Variants in ADCY8 observed in about 807,000 individuals in gnomAD.
The protein encoded by ADCY8 is adenylate cyclase 8.
ADCY8 carries 51 observed loss-of-function variants against 119.7 expected under a neutral mutation model. That is an observed-to-expected ratio of 0.43 (90% confidence interval 0.34 to 0.54). The LOEUF (loss-of-function observed/expected upper bound fraction) is 0.54. ADCY8 is among the 20% of genes least tolerant of loss of function. The probability of loss-of-function intolerance (pLI) is 0.03; values close to 1 mark genes in which losing one functional copy is unlikely to be tolerated. For missense variants in ADCY8, 1,383 were observed against 1,598.8 expected, an observed-to-expected ratio of 0.87 and a Z score of 2.30; for synonymous variants, 665 against 651.0, an observed-to-expected ratio of 1.02 and a Z score of -0.33.
intron 7 of ADCY8, among the ~76,000 whole-genome samples, chr8:130,900,477 C>T (rs905431538): frequency 1.3e-5 from 2 of 152,182 alleles, no homozygotes; most frequent in African/African-American, 4.8e-5. Flanking sequence ...TACCATCTCA[C>T]CAGATCTGCC....
chr8:130,820,748 T>A (rs1228924923), intron 13 of ADCY8, among the ~76,000 whole-genome samples: 1 of 152,150 alleles, frequency 6.6e-6, no homozygotes, highest in African/African-American at 2.4e-5. Flanking sequence ...GAAAGCATAA[T>A]CCATATGGCA....
intron 16 of ADCY8, among the ~76,000 whole-genome samples, chr8:130,784,238 G>A (rs149289021): frequency 1.2e-5 from 1 of 81,550 alleles, no homozygotes. Flanking sequence ...GTGTGTATAT[G>A]TGCTCTTATG....
chr8:130,909,885 G>A lies in ADCY8; in HGVS notation c.1482-19C>T. The A allele has an allele frequency of 1.9e-6, 3 of 1,613,376 alleles. No homozygotes were observed. The highest frequency in any genetic ancestry group is 2.5e-6 in the Non-Finnish European group (3 of 1,179,576). On this transcript the variant is annotated intron_variant, in intron 5 of 17. Coordinates refer to ENST00000286355, the MANE Select transcript of ADCY8 (RefSeq NM_001115.3). ...CACATACCTGTTGACATAGGTAAATGGAGAGACACATGTATAAGACCAGAG... is the reference window on the plus strand; with the variant it reads ...CACATACCTGTTGACATAGGTAAATAGAGAGACACATGTATAAGACCAGAG...
intron 3 of ADCY8, among the ~76,000 whole-genome samples, chr8:130,948,098 A>T (rs972606227): frequency 2.6e-5 from 4 of 152,180 alleles, no homozygotes; most frequent in African/African-American, 2.4e-5. Context: ...GGCCCAAGGG[A>T]TGGTAGTTAC....
rs150154731 is a variant in ADCY8 at position 130,784,153 on chromosome 8, C to T, written c.3154-348G>A. ...TGTGTGTGTGTTGGGGGTGTGTGGG[C>T]GTGTGGGTGGCCGTGAGTGTATGTG... On this transcript the variant is annotated intron_variant, in intron 16 of 17. Coordinates refer to ENST00000286355, the MANE Select transcript of ADCY8 (RefSeq NM_001115.3). 7.4e-3 allele frequency among the ~76,000 whole-genome samples: 1,121 copies of T among 151,308 alleles called. 11 individuals are homozygous for T. Among genetic ancestry groups the T allele is most frequent in the African/African-American group, 0.025 (1,024 of 41,156 alleles).
intron 1 of ADCY8, among the ~76,000 whole-genome samples, chr8:130,991,380 GA>G (rs1822573584): frequency 6.6e-6 from 1 of 152,212 alleles, no homozygotes; most frequent in Admixed American, 6.5e-5. Flanking sequence ...GTAGCTTCCA[GA>G]AGGTGGGAGG....
intron 14 of ADCY8, among the ~76,000 whole-genome samples, chr8:130,812,783 CACAT>C (rs1563674943): frequency 6.6e-6 from 1 of 152,078 alleles, no homozygotes; most frequent in Non-Finnish European, 1.5e-5. Flanking sequence ...GATATATACA[CACAT>C]ATGTATGTAT....
intron 14 of ADCY8, among the ~76,000 whole-genome samples, chr8:130,810,456 G>T (rs1419636460): frequency 6.6e-6 from 1 of 151,838 alleles, no homozygotes; most frequent in Non-Finnish European, 1.5e-5. Context: ...ACAGAAGAAA[G>T]CAATCTGAGG....
At chr8:130,851,505 G>A (rs1323295314) in intron 9 of ADCY8, among the ~76,000 whole-genome samples, 1 of 152,170 alleles carries the variant, frequency 6.6e-6, no homozygotes, top group African/African-American at 2.4e-5. Flanking sequence ...CTGTGCTCAG[G>A]AGCTTTGTCC....
intron 7 of ADCY8, 56 bp from the exon 8 acceptor site, chr8:130,884,817 C>G: frequency 2.6e-6 from 4 of 1,528,602 alleles, no homozygotes; most frequent in Non-Finnish European, 3.6e-6. Context: ...TTAGATAAAA[C>G]AGAAATGCAA....
At chr8:130,883,336 A>C (rs1182349893) in intron 8 of ADCY8, among the ~76,000 whole-genome samples, 1 of 152,164 alleles carries the variant, frequency 6.6e-6, no homozygotes, top group Non-Finnish European at 1.5e-5. Context: ...GCCCTTAATT[A>C]TATGATGAAT....
intron 15 of ADCY8, among the ~76,000 whole-genome samples, chr8:130,793,576 G>T (rs756389492): frequency 2.6e-5 from 4 of 152,100 alleles, no homozygotes; most frequent in African/African-American, 9.7e-5. Flanking sequence ...TATCTTGTGC[G>T]CCCAGGGCAG....
At chr8:130,883,799 C>T (rs1218165428) in intron 8 of ADCY8, among the ~76,000 whole-genome samples, 1 of 152,132 alleles carries the variant, frequency 6.6e-6, no homozygotes, top group Non-Finnish European at 1.5e-5. Flanking sequence ...CTCCCTTCTC[C>T]AGTTCAAAGC....
chr8:130,825,864 T>C (rs986437352), intron 12 of ADCY8, among the ~76,000 whole-genome samples: 4 of 152,198 alleles, frequency 2.6e-5, no homozygotes, highest in Non-Finnish European at 2.9e-5. Flanking sequence ...GCCTCATTAT[T>C]GATCCATCAG....
chr8:130,939,217 G>GAA (rs1820886908), intron 4 of ADCY8, among the ~76,000 whole-genome samples: 1 of 151,780 alleles, frequency 6.6e-6, no homozygotes, highest in Non-Finnish European at 1.5e-5. Flanking sequence ...CAGAACTACT[G>GAA]GAAAGACATA....
At chr8:130,822,536 AT>A (rs1816544418) in intron 12 of ADCY8, among the ~76,000 whole-genome samples, 1 of 10,656 alleles carries the variant, frequency 9.4e-5, no homozygotes, top group Non-Finnish European at 2.8e-4. Flanking sequence ...GAATCCATGA[AT>A]CCATCCATCC....
At chr8:130,950,205 TATG>T (rs1003577330) in intron 3 of ADCY8, among the ~76,000 whole-genome samples, 4 of 152,214 alleles carry the variant, frequency 2.6e-5, no homozygotes, top group Non-Finnish European at 5.9e-5. Context: ...AGTTTTACCT[TATG>T]ATATTTGGTG....
chr8:130,796,163 T>C (rs979625809), intron 15 of ADCY8, among the ~76,000 whole-genome samples: 2 of 152,222 alleles, frequency 1.3e-5, no homozygotes, highest in African/African-American at 4.8e-5. Flanking sequence ...CTCTTCAGAA[T>C]CACTTGGCCA....
intron 7 of ADCY8, among the ~76,000 whole-genome samples, chr8:130,898,908 A>C (rs1819499606): frequency 6.6e-6 from 1 of 152,222 alleles, no homozygotes; most frequent in Non-Finnish European, 1.5e-5. Context: ...TGATCCCTTA[A>C]AAATCTAATT....
Sources: gnomAD v4.1 joint callset for allele counts (sites outside exome capture counted in the v4.1 genomes callset) on GRCh38, gnomAD v4.1.1 for gene constraint, MANE v1.5 for transcripts, NCBI Gene and HGNC (gene_info 2026-07-23, HGNC 2026-07-21) for gene names.